Variants in MACROD2 observed in about 807,000 individuals in gnomAD.
MACROD2 encodes the protein ADP-ribose glycohydrolase MACROD2.
In MACROD2, 36 loss-of-function variants were observed where a neutral mutation model predicts 70.4. The ratio of observed to expected loss-of-function variants is 0.51; its 90% CI spans 0.39 to 0.68. MACROD2 has a LOEUF of 0.68. MACROD2 is among the 30% of genes least tolerant of loss of function. The probability of loss-of-function intolerance (pLI) is 0.00; values close to 1 mark genes in which losing one functional copy is unlikely to be tolerated. For missense variants in MACROD2, 496 were observed against 538.4 expected, an observed-to-expected ratio of 0.92 and a Z score of 0.78; for synonymous variants, 172 against 178.8, an observed-to-expected ratio of 0.96 and a Z score of 0.30.
intron 5 of MACROD2, among the ~76,000 whole-genome samples, chr20:14,825,795 G>A (rs538956554): frequency 6.6e-6 from 1 of 152,198 alleles, no homozygotes; most frequent in African/African-American, 2.4e-5. Flanking sequence ...TAGTGACCTG[G>A]TATTTGGGCT....
chr20:14,423,923 C>T (rs570070218), intron 3 of MACROD2, among the ~76,000 whole-genome samples: 1 of 151,630 alleles, frequency 6.6e-6, no homozygotes, highest in South Asian at 2.1e-4. Context: ...CCACCACACC[C>T]GGCTAATTTT....
At chr20:15,113,103 T>G (rs1238353710) in intron 5 of MACROD2, among the ~76,000 whole-genome samples, 1 of 152,214 alleles carries the variant, frequency 6.6e-6, no homozygotes, top group Non-Finnish European at 1.5e-5. Context: ...CTGTTTGAGC[T>G]CCTGCTTTCA....
At chr20:15,032,302 G>C (rs927119139) in intron 5 of MACROD2, among the ~76,000 whole-genome samples, 2 of 152,242 alleles carry the variant, frequency 1.3e-5, no homozygotes, top group African/African-American at 2.4e-5. Context: ...TTGGTAGGGA[G>C]TGGGCCTCTG....
intron 2 of MACROD2, among the ~76,000 whole-genome samples, chr20:14,070,311 G>A (rs1255582190): frequency 1.5e-5 from 1 of 68,140 alleles, no homozygotes; most frequent in African/African-American, 4.3e-5. Flanking sequence ...ATATGCTGGA[G>A]TATAGAGGGG....
chr20:15,148,345 G>A (rs1387526755), intron 5 of MACROD2, among the ~76,000 whole-genome samples: 1 of 151,986 alleles, frequency 6.6e-6, no homozygotes, highest in African/African-American at 2.4e-5. Context: ...ATAAGAGAAG[G>A]AGAAAAACAG....
intron 3 of MACROD2, among the ~76,000 whole-genome samples, chr20:14,277,360 G>A (rs6042645): frequency 2.0e-5 from 3 of 152,190 alleles, no homozygotes; most frequent in African/African-American, 4.8e-5. Flanking sequence ...AGGCAGTTGA[G>A]AATCGCTTGA....
chr20:14,673,257 A>T (rs994328276), intron 4 of MACROD2, among the ~76,000 whole-genome samples: 9 of 152,120 alleles, frequency 5.9e-5, no homozygotes, highest in African/African-American at 2.2e-4. Flanking sequence ...GAGAGTCAGG[A>T]CTCATGGTTT....
chr20:15,687,646 G>A (rs1050590999), intron 8 of MACROD2, among the ~76,000 whole-genome samples: 2 of 152,114 alleles, frequency 1.3e-5, no homozygotes, highest in African/African-American at 4.8e-5. Context: ...GGTGCAGGAA[G>A]GCTGACTTAG....
intron 5 of MACROD2, among the ~76,000 whole-genome samples, chr20:15,143,935 G>A (rs1488530192): frequency 4.1e-5 from 5 of 122,934 alleles, no homozygotes; most frequent in Non-Finnish European, 6.6e-5. Flanking sequence ...ACTAACGATC[G>A]CTGATGAGCT....
chr20:14,768,589 G>T (rs1419510364), intron 5 of MACROD2, among the ~76,000 whole-genome samples: 1 of 151,914 alleles, frequency 6.6e-6, no homozygotes, highest in African/African-American at 2.4e-5. Context: ...AAAGCACTGG[G>T]ATTACAGGTA....
At chr20:16,032,495 T>C (rs915498399) in intron 15 of MACROD2, among the ~76,000 whole-genome samples, 15 of 150,792 alleles carry the variant, frequency 9.9e-5, no homozygotes, top group Non-Finnish European at 2.2e-4. Context: ...TCCATAATAA[T>C]AAGTCTTAAA....
intron 3 of MACROD2, among the ~76,000 whole-genome samples, chr20:14,101,530 A>G (rs2054302243): frequency 6.6e-6 from 1 of 152,160 alleles, no homozygotes; most frequent in Non-Finnish European, 1.5e-5. Context: ...GTTTCCAACT[A>G]TAAAGCATTT....
intron 5 of MACROD2, among the ~76,000 whole-genome samples, chr20:15,062,643 CTAAT>C (rs2075542117): frequency 1.3e-5 from 2 of 152,158 alleles, no homozygotes; most frequent in East Asian, 1.9e-4. Context: ...TTTCTTTTAA[CTAAT>C]TAATCTATTG....
At chr20:14,052,119 G>T (rs1166717282) in intron 2 of MACROD2, 1 of 364,440 alleles carries the variant, frequency 2.7e-6, no homozygotes, top group Non-Finnish European at 5.4e-6. Flanking sequence ...AGAAGAGGAA[G>T]ATGGGTGTGT....
At chr20:15,091,723 A>G (rs1390656529) in intron 5 of MACROD2, among the ~76,000 whole-genome samples, 1 of 152,150 alleles carries the variant, frequency 6.6e-6, no homozygotes, top group Admixed American at 6.6e-5. Context: ...ATAATGAAAA[A>G]GCTTCTGAAA....
chr20:14,145,930 T>C (rs2054936928), intron 3 of MACROD2, among the ~76,000 whole-genome samples: 1 of 152,210 alleles, frequency 6.6e-6, no homozygotes, highest in African/African-American at 2.4e-5. Context: ...GGAAGTCTGT[T>C]TAATCACTGC....
In MACROD2 at chr20:15,229,923, T is replaced by G. The variant is rs201930463; in HGVS notation, c.419-17T>G. The G allele has an allele frequency of 8.2e-6, 13 of 1,585,420 alleles. No homozygotes were observed. Among genetic ancestry groups the G allele is most frequent in the Non-Finnish European group, 1.0e-5 (12 of 1,169,736 alleles). On this transcript the variant is annotated splice_polypyrimidine_tract_variant and intron_variant, in intron 5 of 17. Coordinates refer to ENST00000684519, the MANE Select transcript of MACROD2 (RefSeq NM_001351661.2). ...ATACCTCGCTTATCCTCTTTTTCCT[T>G]CCTTTTGTATTTACAGATGTCATCC...
intron 4 of MACROD2, among the ~76,000 whole-genome samples, chr20:14,532,600 A>ATAG (rs2085320398): frequency 6.6e-6 from 1 of 152,252 alleles, no homozygotes; most frequent in Non-Finnish European, 1.5e-5. Context: ...GAGATCATTT[A>ATAG]TAGTCATTCA....
chr20:15,040,601 A>G (rs1305907556), intron 5 of MACROD2, among the ~76,000 whole-genome samples: 3 of 152,108 alleles, frequency 2.0e-5, no homozygotes, highest in South Asian at 2.1e-4. Flanking sequence ...ATTCCCTTGT[A>G]TGGATTGCTG....
Sources: gnomAD v4.1 joint callset for allele counts (sites outside exome capture counted in the v4.1 genomes callset) on GRCh38, gnomAD v4.1.1 for gene constraint, MANE v1.5 for transcripts, NCBI Gene and HGNC (gene_info 2026-07-23, HGNC 2026-07-21) for gene names.